The following PRPF18 variants were observed in gnomAD, a reference collection of about 807,000 sequenced individuals.
PRPF18 encodes the protein pre-mRNA processing factor 18.
A neutral mutation model predicts 46.5 loss-of-function variants in PRPF18; 38 were observed. That is an observed-to-expected ratio of 0.82 (90% CI 0.63 to 1.07). The LOEUF (loss-of-function observed/expected upper bound fraction) is 1.07. Among genes scored for constraint, PRPF18 ranks in the 50% least tolerant of loss-of-function variants. PRPF18 has a pLI of 0.00. For missense variants in PRPF18, 263 were observed against 410.0 expected (o/e 0.64, Z 3.10); for synonymous variants, 152 against 146.7 (o/e 1.04, Z -0.26).
At chr10:13,645,186 C>A in the PRPF18 span, 1 of 152,126 alleles carries the variant, frequency 6.6e-6, no homozygotes, top group Admixed American at 6.5e-5. Flanking sequence ...TCTGGTAGAG[C>A]CTATGGTTAT....
At chr10:13,641,846 A>G in the PRPF18 span, 1 of 152,262 alleles carries the variant, frequency 6.6e-6, no homozygotes, top group African/African-American at 2.4e-5. Flanking sequence ...GAGGGGTGAA[A>G]GCATAATTGG....
rs761743039 is a variant in PRPF18 at position 13,611,577 on chromosome 10, T to C, written c.511-38T>C. 5.8e-6 allele frequency: 9 copies of C among 1,546,434 alleles called. No individual in the cohort carries two copies. In the East Asian group the frequency reaches 1.8e-4, roughly 31 times the overall value. On this transcript the variant is annotated intron_variant, in intron 5 of 9. Coordinates refer to ENST00000378572, the MANE Select transcript of PRPF18 (RefSeq NM_003675.4). ...TAATATATATGTTTAGTTGTTGCTC[T>C]GTATTAATGAACAGAAGCATTGTTT...
In PRPF18 at chr10:13,616,564, T is replaced by G. The variant is rs754737632; in HGVS notation, c.948+11T>G. The G allele has an allele frequency of 6.8e-6, 11 of 1,613,366 alleles. No individual in the cohort carries two copies. Among genetic ancestry groups the G allele is most frequent in the Non-Finnish European group, 9.3e-6 (11 of 1,179,670 alleles). On this transcript the variant is annotated intron_variant, in intron 9 of 9. Coordinates refer to ENST00000378572, the MANE Select transcript of PRPF18 (RefSeq NM_003675.4). The stretch of plus-strand genomic sequence containing the variant: ...CGGAAATATATTCAGGTAAGCAGTT[T>G]GGAGAGCCGGGAATTGCCCTGGAAG...
the PRPF18 span, among the ~76,000 whole-genome samples, chr10:13,650,419 C>CTCGTGTATGTAT: frequency 6.7e-6 from 1 of 150,298 alleles, no homozygotes; most frequent in African/African-American, 2.5e-5. Context: ...TGAGCATGAA[C>CTCGTGTATGTAT]TCGTGTATGT....
the PRPF18 span, chr10:13,648,594 C>CA: frequency 6.6e-6 from 1 of 152,134 alleles, no homozygotes; most frequent in East Asian, 1.9e-4. Flanking sequence ...AGCTTTGAAA[C>CA]CACAAGGATG....
At chr10:13,597,705 T>A in intron 2 of PRPF18, 170 bp downstream of exon 2, 1 of 1,565,540 alleles carries the variant, frequency 6.4e-7, no homozygotes. Flanking sequence ...TTTAAAAAAA[T>A]CTTGAATTCA....
At chr10:13,616,833 C>T (rs755061752) in intron 9 of PRPF18, among the ~76,000 whole-genome samples, 1 of 150,680 alleles carries the variant, frequency 6.6e-6, no homozygotes, top group South Asian at 2.1e-4. Context: ...TTTTTTAAGA[C>T]GTGTATTAGG....
At chr10:13,637,283 A>C in the PRPF18 span, 25 of 152,338 alleles carry the variant, frequency 1.6e-4, no homozygotes, top group African/African-American at 5.8e-4. Context: ...CAGTTAACAC[A>C]TTCCCACAGC....
rs79091717 is a variant in PRPF18 at position 13,596,970 on chromosome 10, T to A, written c.67-488T>A. Reference sequence around the variant, plus strand: ...GTAGATTATTTTAAGAACTGATTGATATAATAAGGTTCCAGGTAACAAGAA... The same window carrying A: ...GTAGATTATTTTAAGAACTGATTGAAATAATAAGGTTCCAGGTAACAAGAA... On this transcript the variant is annotated intron_variant, in intron 1 of 9. Coordinates refer to ENST00000378572, the MANE Select transcript of PRPF18 (RefSeq NM_003675.4). Among the ~76,000 whole-genome samples, 4 of 152,190 alleles carry A rather than the reference T, an allele frequency of 2.6e-5. No homozygotes were observed. The East Asian group carries it at 7.7e-4, about 29-fold the overall frequency.
chr10:13,604,957 T>A (rs1028109253), intron 3 of PRPF18, among the ~76,000 whole-genome samples: 1 of 152,228 alleles, frequency 6.6e-6, no homozygotes, highest in African/African-American at 2.4e-5. Context: ...AAGAATTTTT[T>A]AAAAATCTCA....
At chr10:13,608,643 T>C (rs1227642770) in intron 4 of PRPF18, among the ~76,000 whole-genome samples, 1 of 152,260 alleles carries the variant, frequency 6.6e-6, no homozygotes, top group Admixed American at 6.5e-5. Flanking sequence ...CAGTCAGAAT[T>C]AATTGCTTCC....
chr10:13,590,342 A>G (rs2079940641), intron 1 of PRPF18, among the ~76,000 whole-genome samples: 3 of 151,474 alleles, frequency 2.0e-5, no homozygotes. Context: ...GCGGTGGCTC[A>G]CGCCTGTAAT....
At chr10:13,651,901 A>T in the PRPF18 span, 1 of 1,501,162 alleles carries the variant, frequency 6.7e-7, no homozygotes, top group Non-Finnish European at 9.3e-7. Context: ...CCCTTACGGT[A>T]CCTCTATTCA....
chr10:13,642,109 T>A, the PRPF18 span: 9 of 152,256 alleles, frequency 5.9e-5, no homozygotes, highest in African/African-American at 2.2e-4. Context: ...GTTATACCTC[T>A]GCAGCTCTTC....
intron 3 of PRPF18, among the ~76,000 whole-genome samples, chr10:13,601,067 CACCGCGCCTG>C (rs1160383262): frequency 1.3e-5 from 2 of 152,130 alleles, no homozygotes; most frequent in African/African-American, 2.4e-5. Flanking sequence ...AGGTGTGAGC[CACCGCGCCTG>C]GCCGCACCGT....
At chr10:13,647,804 TAAG>T in the PRPF18 span, 1 of 151,720 alleles carries the variant, frequency 6.6e-6, no homozygotes, top group East Asian at 1.9e-4. Flanking sequence ...TCTTAAATCT[TAAG>T]AAGCAATCAT....
rs138892950 is a variant in PRPF18, at chr10:13,605,943, A to C, written c.363+199A>C. Among the ~76,000 whole-genome samples, 44 of 152,358 alleles carry C rather than the reference A, an allele frequency of 2.9e-4. No homozygotes were observed. The East Asian group carries it at 8.5e-3, about 29-fold the overall frequency. ...TAATGCATTTTGACAAATACATACAAGCATATAACCATTGCCCTTATAAAG... is the reference window on the plus strand; with the variant it reads ...TAATGCATTTTGACAAATACATACACGCATATAACCATTGCCCTTATAAAG... On this transcript the variant is annotated intron_variant, in intron 4 of 9. Transcript: ENST00000378572.
intron 2 of PRPF18, among the ~76,000 whole-genome samples, chr10:13,599,823 T>C (rs1331108288): frequency 6.6e-6 from 1 of 152,244 alleles, no homozygotes; most frequent in African/African-American, 2.4e-5. Flanking sequence ...GGAAAGAAAT[T>C]CTTTTATCTT....
intron 4 of PRPF18, among the ~76,000 whole-genome samples, chr10:13,606,492 T>C (rs2080185569): frequency 6.6e-6 from 1 of 152,074 alleles, no homozygotes; most frequent in Admixed American, 6.5e-5. Flanking sequence ...ATCCCAGCAC[T>C]TTGGGAGGCT....
Sources: allele counts gnomAD v4.1 joint callset (sites outside exome capture counted in the v4.1 genomes callset), GRCh38; gene constraint gnomAD v4.1.1; transcripts MANE v1.5; gene names NCBI Gene and HGNC (gene_info 2026-07-23, HGNC 2026-07-21).